Variants in PDZD2 observed in about 807,000 individuals in gnomAD.
PDZD2 encodes the protein PDZ domain-containing protein 2.
A neutral mutation model predicts 220.7 loss-of-function variants in PDZD2; 90 were observed. That is an observed-to-expected ratio of 0.41 (90% CI 0.34 to 0.49). The LOEUF is 0.49. Among genes scored for constraint, PDZD2 ranks in the 20% least tolerant of loss-of-function variants. The pLI, the probability that PDZD2 is intolerant of heterozygous loss-of-function variation, is 0.28. For missense variants in PDZD2, 3,174 were observed against 3,608.5 expected, an observed-to-expected ratio of 0.88 and a Z score of 3.08; for synonymous variants, 1,375 against 1,450.5, an observed-to-expected ratio of 0.95 and a Z score of 1.18.
At chr5:32,084,824 G>A (rs1362037010) in intron 19 of PDZD2, among the ~76,000 whole-genome samples, 1 of 152,046 alleles carries the variant, frequency 6.6e-6, no homozygotes, top group Non-Finnish European at 1.5e-5. Context: ...GCACTTTCAG[G>A]AGTGAGTGGC....
At chr5:31,977,425 G>T (rs1749885757) in intron 2 of PDZD2, among the ~76,000 whole-genome samples, 2 of 152,020 alleles carry the variant, frequency 1.3e-5, no homozygotes, top group Non-Finnish European at 1.5e-5. Context: ...CCTGTATTTG[G>T]CCCTCTCTTA....
intron 20 of PDZD2, among the ~76,000 whole-genome samples, chr5:32,091,535 G>A (rs1055388312): frequency 2.0e-5 from 3 of 151,864 alleles, no homozygotes; most frequent in African/African-American, 7.3e-5. Flanking sequence ...CGCCTGCCTC[G>A]GCCTCCCAAA....
intron 1 of PDZD2, among the ~76,000 whole-genome samples, chr5:31,660,304 A>T (rs547842467): frequency 1.3e-5 from 2 of 152,298 alleles, no homozygotes; most frequent in South Asian, 4.1e-4. Flanking sequence ...ATTTCTATGG[A>T]TACTTTATTG....
At chr5:31,645,542 G>C (rs553306329) in intron 1 of PDZD2, among the ~76,000 whole-genome samples, 194 of 152,096 alleles carry the variant, frequency 1.3e-3, no homozygotes, top group Non-Finnish European at 2.4e-3. Flanking sequence ...TCACCATGTT[G>C]GCCAGGATGG....
chr5:32,105,687 A>T (rs1744694068), intron 24 of PDZD2, among the ~76,000 whole-genome samples: 1 of 152,248 alleles, frequency 6.6e-6, no homozygotes, highest in South Asian at 2.1e-4. Context: ...AGCATAAGGA[A>T]CCTAAGAATG....
intron 2 of PDZD2, among the ~76,000 whole-genome samples, chr5:31,875,534 C>G (rs767767510): frequency 6.8e-6 from 1 of 146,298 alleles, no homozygotes; most frequent in Non-Finnish European, 1.5e-5. Flanking sequence ...TGCAGTGAGC[C>G]GAGATCACAC....
At chr5:31,669,481 C>A (rs1242933424) in intron 1 of PDZD2, among the ~76,000 whole-genome samples, 1 of 152,092 alleles carries the variant, frequency 6.6e-6, no homozygotes, top group African/African-American at 2.4e-5. Flanking sequence ...TCCTGGCTGC[C>A]CCCTGTCCTG....
chr5:31,672,570 A>C (rs1227765273), intron 1 of PDZD2, among the ~76,000 whole-genome samples: 1 of 152,214 alleles, frequency 6.6e-6, no homozygotes, highest in Non-Finnish European at 1.5e-5. Flanking sequence ...AAGCGACAGG[A>C]AGTCAGTGTT....
At chr5:31,792,266 G>T (rs1013198540) in intron 1 of PDZD2, among the ~76,000 whole-genome samples, 5 of 152,158 alleles carry the variant, frequency 3.3e-5, no homozygotes, top group Non-Finnish European at 7.4e-5. Context: ...TAGTTCAGGG[G>T]GGCAAGGTCA....
In PDZD2 at chr5:32,029,074, C is replaced by G. The variant is rs186688713; in HGVS notation, c.1408-8157C>G. Among the ~76,000 whole-genome samples, 72 of 152,154 alleles carry G rather than the reference C, an allele frequency of 4.7e-4. No individual in the cohort carries two copies. In the Middle Eastern group the frequency reaches 0.01, roughly 22 times the overall value. On this transcript the variant is annotated intron_variant, in intron 6 of 24. Transcript: ENST00000438447. ...CAGCATCTGCAGCCTGGGCTGTTTT[C>G]CACAGGAATAAATACAGTTTTTTCC... is the stretch of plus-strand genomic sequence containing the variant.
At chr5:31,733,029 G>A (rs923354138) in intron 1 of PDZD2, among the ~76,000 whole-genome samples, 8 of 152,104 alleles carry the variant, frequency 5.3e-5, no homozygotes, top group African/African-American at 9.7e-5. Context: ...GCGCCCGGCC[G>A]GGAGCAGCTT....
intron 1 of PDZD2, among the ~76,000 whole-genome samples, chr5:31,673,348 C>T (rs1746287821): frequency 1.3e-5 from 2 of 152,290 alleles, no homozygotes; most frequent in Non-Finnish European, 1.5e-5. Flanking sequence ...GAATGCACTG[C>T]GAGCTCCAAA....
intron 1 of PDZD2, among the ~76,000 whole-genome samples, chr5:31,755,438 C>A (rs1002710806): frequency 6.6e-6 from 1 of 152,138 alleles, no homozygotes; most frequent in African/African-American, 2.4e-5. Context: ...AGGTAGTTGG[C>A]GTAGGATATC....
intron 2 of PDZD2, among the ~76,000 whole-genome samples, chr5:31,929,943 G>C (rs962198858): frequency 6.6e-6 from 1 of 152,116 alleles, no homozygotes; most frequent in South Asian, 2.1e-4. Flanking sequence ...CCAACCCTTT[G>C]GTGATAAGTG....
chr5:31,695,395 AATATTT>A, intron 1 of PDZD2, among the ~76,000 whole-genome samples: 1 of 152,210 alleles, frequency 6.6e-6, no homozygotes, highest in East Asian at 1.9e-4. Context: ...GGTTGAACTG[AATATTT>A]ATGTTTGAAA....
intron 2 of PDZD2, among the ~76,000 whole-genome samples, chr5:31,977,607 C>G (rs1313324317): frequency 1.3e-5 from 2 of 152,276 alleles, no homozygotes; most frequent in East Asian, 3.9e-4. Context: ...TCAAAACTTT[C>G]TTTGAGATAA....
At chr5:31,964,987 G>T (rs1316479799) in intron 2 of PDZD2, among the ~76,000 whole-genome samples, 1 of 152,176 alleles carries the variant, frequency 6.6e-6, no homozygotes, top group Non-Finnish European at 1.5e-5. Flanking sequence ...TTCCCAAAAT[G>T]CTGGGATTAC....
intron 14 of PDZD2, among the ~76,000 whole-genome samples, chr5:32,067,054 A>G (rs1215902615): frequency 1.3e-5 from 2 of 152,166 alleles, no homozygotes; most frequent in Non-Finnish European, 2.9e-5. Context: ...TGTTTAATGT[A>G]TTTTTGTACC....
chr5:31,975,874 G>A (rs920931320), intron 2 of PDZD2, among the ~76,000 whole-genome samples: 2 of 142,054 alleles, frequency 1.4e-5, no homozygotes, highest in Middle Eastern at 3.8e-3. Context: ...CAGAGTCATG[G>A]CTCACTGCAG....
Sources: allele counts gnomAD v4.1 joint callset (sites outside exome capture counted in the v4.1 genomes callset), GRCh38; gene constraint gnomAD v4.1.1; transcripts MANE v1.5; gene names NCBI Gene and HGNC (gene_info 2026-07-23, HGNC 2026-07-21).